SLC8A1: variants seen among roughly 807,000 people sequenced by gnomAD.
The protein encoded by SLC8A1 is solute carrier family 8 member A1.
Under a neutral mutation model 68.3 loss-of-function variants are expected in SLC8A1, and 18 were observed. The ratio of observed to expected loss-of-function variants is 0.26; its 90% confidence interval spans 0.18 to 0.39. The LOEUF (loss-of-function observed/expected upper bound fraction) is 0.39, where lower values mean the gene tolerates loss of function less well. Ranked by LOEUF, SLC8A1 falls within the 10% of genes least tolerant of loss-of-function variation. The pLI is 1.00. For missense variants in SLC8A1, 985 were observed against 1,156.7 expected (o/e 0.85, Z 2.15); for synonymous variants, 475 against 415.5 (o/e 1.14, Z -1.74).
At chr2:40,319,004 G>A (rs548860286) in intron 2 of SLC8A1, among the ~76,000 whole-genome samples, 7 of 152,188 alleles carry the variant, frequency 4.6e-5, no homozygotes, top group African/African-American at 1.7e-4. Flanking sequence ...ACACCAACTG[G>A]AAAGCTTTCA....
intron 1 of SLC8A1, among the ~76,000 whole-genome samples, chr2:40,442,827 T>G (rs1700757065): frequency 6.6e-6 from 1 of 152,050 alleles, no homozygotes; most frequent in African/African-American, 2.4e-5. Context: ...CAGCAATATT[T>G]ACAATAGCAA....
chr2:40,498,113 A>G (rs1211227043), intron 1 of SLC8A1, among the ~76,000 whole-genome samples: 1 of 152,066 alleles, frequency 6.6e-6, no homozygotes. Flanking sequence ...AAAGAGTTAG[A>G]TAAATCAGAA....
Position 40,304,830 on chromosome 2 carries a change from T to C in SLC8A1, c.1808+123643A>G, listed in dbSNP as rs144926656. Among the ~76,000 whole-genome samples the C allele has an allele frequency of 1.4e-3, 214 of 152,294 alleles. 1 individual carries two copies. The highest frequency in any genetic ancestry group is 5.1e-3 in the African/African-American group (210 of 41,568). The stretch of plus-strand genomic sequence containing the variant: ...CTCAGCGATGCTCACCTAGACCTCA[T>C]GCGCCCGCCAGAGATGAACCCAGGT... On this transcript the variant is annotated intron_variant, in intron 2 of 7. Transcript: ENST00000406785.
chr2:40,484,456 C>A (rs559099322), intron 1 of SLC8A1, among the ~76,000 whole-genome samples: 2 of 152,314 alleles, frequency 1.3e-5, no homozygotes, highest in East Asian at 3.9e-4. Context: ...TGAGCTTTCT[C>A]GTATCTTTAC....
intron 2 of SLC8A1, among the ~76,000 whole-genome samples, chr2:40,361,724 A>T (rs759511713): frequency 6.6e-6 from 1 of 151,944 alleles, no homozygotes; most frequent in Non-Finnish European, 1.5e-5. Context: ...CAAATGCCCT[A>T]TATGGTAAGT....
intron 2 of SLC8A1, among the ~76,000 whole-genome samples, chr2:40,201,534 T>C (rs900721459): frequency 5.3e-5 from 8 of 151,918 alleles, no homozygotes; most frequent in African/African-American, 1.9e-4. Flanking sequence ...ATTGAAGGTA[T>C]AGTATGTCTC....
chr2:40,157,734 T>C (rs1260353394), intron 6 of SLC8A1, among the ~76,000 whole-genome samples: 1 of 152,202 alleles, frequency 6.6e-6, no homozygotes, highest in African/African-American at 2.4e-5. Context: ...GTACTGGACT[T>C]GCCTTGCAAG....
intron 2 of SLC8A1, among the ~76,000 whole-genome samples, chr2:40,230,218 G>C (rs949817861): frequency 5.3e-5 from 8 of 152,156 alleles, no homozygotes; most frequent in African/African-American, 1.9e-4. Flanking sequence ...TTACTCTAAA[G>C]ATTCTAGTTT....
At chr2:40,187,703 G>A (rs1024040778) in intron 2 of SLC8A1, among the ~76,000 whole-genome samples, 1 of 152,134 alleles carries the variant, frequency 6.6e-6, no homozygotes, top group Non-Finnish European at 1.5e-5. Context: ...CTACTTTTCT[G>A]TCCCTAGAAG....
At chr2:40,122,017 T>C (rs2036942385) in intron 7 of SLC8A1, among the ~76,000 whole-genome samples, 1 of 152,096 alleles carries the variant, frequency 6.6e-6, no homozygotes, top group African/African-American at 2.4e-5. Flanking sequence ...CTCTCTTTTT[T>C]CTTTTTTGCC....
At chr2:40,402,244 C>T (rs1254150206) in intron 2 of SLC8A1, among the ~76,000 whole-genome samples, 1 of 152,160 alleles carries the variant, frequency 6.6e-6, no homozygotes, top group Admixed American at 6.5e-5. Flanking sequence ...CTCCCACCAG[C>T]ACCATGACAG....
intron 2 of SLC8A1, among the ~76,000 whole-genome samples, chr2:40,324,950 G>C (rs979244389): frequency 1.3e-5 from 2 of 152,108 alleles, no homozygotes; most frequent in South Asian, 4.2e-4. Context: ...CTGAGATATG[G>C]CCCTGGATCT....
intron 7 of SLC8A1, among the ~76,000 whole-genome samples, chr2:40,131,017 C>T (rs1026976671): frequency 6.6e-6 from 1 of 152,202 alleles, no homozygotes; most frequent in African/African-American, 2.4e-5. Context: ...TTTATCAGTG[C>T]ATTGAAATAG....
At chr2:40,448,078 G>A (rs537885548) in intron 1 of SLC8A1, among the ~76,000 whole-genome samples, 3 of 152,244 alleles carry the variant, frequency 2.0e-5, no homozygotes, top group Admixed American at 2.0e-4. Context: ...AATCACTTGA[G>A]GCAGCAAGGA....
intron 2 of SLC8A1, among the ~76,000 whole-genome samples, chr2:40,283,664 A>G (rs2067837210): frequency 6.6e-6 from 1 of 152,206 alleles, no homozygotes; most frequent in Non-Finnish European, 1.5e-5. Flanking sequence ...GAAACGCATC[A>G]AAGTCAGAGC....
intron 2 of SLC8A1, among the ~76,000 whole-genome samples, chr2:40,289,029 T>C (rs2068817916): frequency 6.6e-6 from 1 of 151,782 alleles, no homozygotes; most frequent in South Asian, 2.1e-4. Flanking sequence ...GACTGGACAA[T>C]ATTATCCTAT....
chr2:40,363,228 T>G (rs1427252698), intron 2 of SLC8A1, among the ~76,000 whole-genome samples: 3 of 152,142 alleles, frequency 2.0e-5, no homozygotes, highest in Non-Finnish European at 2.9e-5. Flanking sequence ...CATGCTTTAT[T>G]TTTTTAATTT....
intron 1 of SLC8A1, among the ~76,000 whole-genome samples, chr2:40,491,263 A>C (rs1196098180): frequency 2.6e-5 from 4 of 151,990 alleles, no homozygotes; most frequent in Non-Finnish European, 5.9e-5. Flanking sequence ...ATGGGAGTTC[A>C]CTCATGATTT....
intron 2 of SLC8A1, among the ~76,000 whole-genome samples, chr2:40,357,119 A>G (rs1369047416): frequency 6.6e-6 from 1 of 152,216 alleles, no homozygotes; most frequent in African/African-American, 2.4e-5. Context: ...CAGCTTCATC[A>G]GAGCAAATAA....
Sources: gnomAD v4.1 joint callset for allele counts (sites outside exome capture counted in the v4.1 genomes callset) on GRCh38, gnomAD v4.1.1 for gene constraint, MANE v1.5 for transcripts, NCBI Gene and HGNC (gene_info 2026-07-23, HGNC 2026-07-21) for gene names.